Variants in C21orf91 observed in about 807,000 individuals in gnomAD.
The protein encoded by C21orf91 is protein EURL homolog.
In C21orf91, 26 loss-of-function variants were observed where a neutral mutation model predicts 32.9. The ratio of observed to expected loss-of-function variants is 0.79; its 90% CI spans 0.58 to 1.10. The LOEUF (loss-of-function observed/expected upper bound fraction) is 1.10, where lower values mean the gene tolerates loss of function less well. C21orf91 is among the 50% of genes least tolerant of loss of function. C21orf91 has a pLI of 0.00. For synonymous variants in C21orf91, 126 were observed against 120.4 expected, an observed-to-expected ratio of 1.05 and a Z score of -0.31; for missense variants, 310 against 341.3, an observed-to-expected ratio of 0.91 and a Z score of 0.72.
chr21:17,808,628 G>T lies in C21orf91; in HGVS notation c.127+9564C>A, dbSNP rs142455878. Among the ~76,000 whole-genome samples, 9 of 152,330 alleles carry T rather than the reference G, an allele frequency of 5.9e-5. No individual in the cohort carries two copies. In the East Asian group the frequency reaches 1.7e-3, roughly 29 times the overall value. On this transcript the variant is annotated intron_variant, in intron 2 of 4. Coordinates refer to ENST00000284881, the MANE Select transcript of C21orf91 (RefSeq NM_001100420.2). ...TTGTGATGTAACCTCACTGTATCTT[G>T]GAAGTAACTAACTTGTTTTTTAGAG...
At chr21:17,815,392 C>T (rs534829620) in intron 2 of C21orf91, among the ~76,000 whole-genome samples, 1 of 152,038 alleles carries the variant, frequency 6.6e-6, no homozygotes, top group Non-Finnish European at 1.5e-5. Flanking sequence ...AAAATTTACA[C>T]TAAACTAGTA....
intron 2 of C21orf91, among the ~76,000 whole-genome samples, chr21:17,814,655 G>T (rs946886586): frequency 6.6e-6 from 1 of 152,098 alleles, no homozygotes; most frequent in African/African-American, 2.4e-5. Context: ...GAGTGAGGGG[G>T]GGAGGTGCTA....
At chr21:17,795,959 T>G (rs979006057) in intron 3 of C21orf91, among the ~76,000 whole-genome samples, 1 of 152,254 alleles carries the variant, frequency 6.6e-6, no homozygotes, top group South Asian at 2.1e-4. Context: ...ACCTGCAGTT[T>G]GAAAAATAAA....
chr21:17,790,904 A>T lies in C21orf91; in HGVS notation c.*2511T>A, dbSNP rs1380252977. 6.6e-6 allele frequency: 1 copy of T among 152,088 alleles called. No individual in the cohort carries two copies. Among genetic ancestry groups the T allele is most frequent in the Non-Finnish European group, 1.5e-5 (1 of 67,936 alleles). The allele number at this position is 152,088 out of a possible 1,614,324, so 9.4% of individuals were successfully genotyped here. ...GATTTGTCTTATCTCACTCCCCTTA[A>T]TCATATAAGCTCTGAAAATTTAGTA... On this transcript the variant is annotated 3_prime_UTR_variant, in exon 5 of 5. Transcript: ENST00000284881.
chr21:17,794,391 T>C (rs1452190545), intron 4 of C21orf91, among the ~76,000 whole-genome samples: 1 of 152,246 alleles, frequency 6.6e-6, no homozygotes, highest in African/African-American at 2.4e-5. Context: ...AATGGTGTGA[T>C]AATGAGACTG....
chr21:17,795,198 T>C lies in C21orf91; in HGVS notation c.727+10A>G, dbSNP rs1476240104. 16 of 1,592,270 alleles carry C rather than the reference T, an allele frequency of 1.0e-5. No individual in the cohort carries two copies. In the Admixed American group the frequency reaches 2.5e-4, roughly 25 times the overall value. On this transcript the variant is annotated intron_variant, in intron 4 of 4. Transcript: ENST00000284881. ...GTCACACACAAAAAAGTACTGACAG[T>C]GATTCTTACCCTGGATTTGCTGTAG... is the stretch of plus-strand genomic sequence containing the variant.
chr21:17,808,774 A>C (rs1479036887), intron 2 of C21orf91, among the ~76,000 whole-genome samples: 1 of 152,156 alleles, frequency 6.6e-6, no homozygotes, highest in Non-Finnish European at 1.5e-5. Context: ...TGTATTTTGC[A>C]ATGTGAGGAG....
At chr21:17,810,390 A>G (rs2062624817) in intron 2 of C21orf91, 1 of 152,248 alleles carries the variant, frequency 6.6e-6, no homozygotes, top group African/African-American at 2.4e-5. Context: ...TATGTTCTAA[A>G]TATTTCTAAA....
chr21:17,797,257 T>A, intron 2 of C21orf91, 139 bp from the exon 3 acceptor site: 1 of 545,944 alleles, frequency 1.8e-6, no homozygotes. Context: ...ATATTAGTAT[T>A]AATATACAAT....
At chr21:17,812,818 C>A (rs199971364) in intron 2 of C21orf91, among the ~76,000 whole-genome samples, 4 of 149,346 alleles carry the variant, frequency 2.7e-5, no homozygotes, top group Non-Finnish European at 4.5e-5. Flanking sequence ...TGGAAAAAAA[C>A]AAAAAAAAAC....
At chr21:17,815,921 A>C (rs567374859) in intron 2 of C21orf91, among the ~76,000 whole-genome samples, 101 of 152,314 alleles carry the variant, frequency 6.6e-4, no homozygotes, top group African/African-American at 2.3e-3. Context: ...TGGCCTCCCA[A>C]AATGTTGGGA....
intron 2 of C21orf91, among the ~76,000 whole-genome samples, chr21:17,803,678 C>G (rs768921015): frequency 6.6e-6 from 1 of 152,060 alleles, no homozygotes; most frequent in Non-Finnish European, 1.5e-5. Flanking sequence ...TATTAAGAAA[C>G]AGTAATCTTG....
intron 2 of C21orf91, among the ~76,000 whole-genome samples, chr21:17,803,968 G>A (rs542417714): frequency 9.2e-5 from 14 of 152,320 alleles, no homozygotes; most frequent in African/African-American, 2.9e-4. Context: ...AACTGGGTAT[G>A]TGCTCTTCAA....
chr21:17,810,714 T>C (rs2062627199), intron 2 of C21orf91: 1 of 152,270 alleles, frequency 6.6e-6, no homozygotes, highest in African/African-American at 2.4e-5. Context: ...CACTGTTTCA[T>C]TACCAGCTGA....
rs2062466301 is a variant in C21orf91, at chr21:17,790,662, T to C, written c.*2753A>G. Reference sequence around the variant, plus strand: ...CTATTCTGCTGCCTGAATCATCTATTACTGGAGTCTCAAGTGCATGCCTTT... The same window carrying C: ...CTATTCTGCTGCCTGAATCATCTATCACTGGAGTCTCAAGTGCATGCCTTT... On this transcript the variant is annotated 3_prime_UTR_variant, in exon 5 of 5. Coordinates refer to ENST00000284881, the MANE Select transcript of C21orf91 (RefSeq NM_001100420.2). 1 of 152,134 alleles carries C rather than the reference T, an allele frequency of 6.6e-6. No individual in the cohort carries two copies. The highest frequency in any genetic ancestry group is 6.5e-5 in the Admixed American group (1 of 15,286). 9.4% of individuals were successfully genotyped at this position (152,134 alleles called of 1,614,324 possible).
chr21:17,812,575 C>G (rs2062639383), intron 2 of C21orf91, among the ~76,000 whole-genome samples: 1 of 152,220 alleles, frequency 6.6e-6, no homozygotes, highest in East Asian at 1.9e-4. Context: ...TTCGGGAGGC[C>G]GAGGTGGGTG....
chr21:17,808,610 G>A (rs2062613471), intron 2 of C21orf91, among the ~76,000 whole-genome samples: 1 of 152,236 alleles, frequency 6.6e-6, no homozygotes, highest in African/African-American at 2.4e-5. Context: ...AGTTTGTGAT[G>A]TAACCTCACT....
chr21:17,790,876 A>C lies in C21orf91; in HGVS notation c.*2539T>G, dbSNP rs1001441180. ...GTCAAATTATAAAACTGAACGTGAA[A>C]AAGATTTGTCTTATCTCACTCCCCT... On this transcript the variant is annotated 3_prime_UTR_variant, in exon 5 of 5. Transcript: ENST00000284881. 4.6e-5 allele frequency: 7 copies of C among 152,138 alleles called. No individual in the cohort carries two copies. Among genetic ancestry groups the C allele is most frequent in the African/African-American group, 1.7e-4 (7 of 41,462 alleles). 9.4% of individuals were successfully genotyped at this position (152,138 alleles called of 1,614,324 possible).
chr21:17,817,100 C>A (rs1157973989), intron 2 of C21orf91, among the ~76,000 whole-genome samples: 1 of 152,126 alleles, frequency 6.6e-6, no homozygotes, highest in African/African-American at 2.4e-5. Flanking sequence ...ATTGTAGGAA[C>A]ACACCACTGT....
Sources: gnomAD v4.1 joint callset for allele counts (sites outside exome capture counted in the v4.1 genomes callset) on GRCh38, gnomAD v4.1.1 for gene constraint, MANE v1.5 for transcripts, NCBI Gene and HGNC (gene_info 2026-07-23, HGNC 2026-07-21) for gene names.